REPS2: variants seen among roughly 807,000 people sequenced by gnomAD.
REPS2 encodes ralBP1-associated Eps domain-containing protein 2.
Under a neutral mutation model 53.6 loss-of-function variants are expected in REPS2, and 23 were observed. The ratio of observed to expected loss-of-function variants is 0.43; its 90% confidence interval spans 0.31 to 0.61. The LOEUF is 0.61. Among genes scored for constraint, REPS2 ranks in the 20% least tolerant of loss-of-function variants. REPS2 has a pLI of 0.11. For missense variants in REPS2, 446 were observed against 534.9 expected (o/e 0.83, Z 1.64); for synonymous variants, 238 against 218.6 (o/e 1.09, Z -0.78).
At chrX:17,079,926 C>T (rs774866039) in intron 13 of REPS2, among the ~76,000 whole-genome samples, 26 of 112,009 alleles carry the variant, frequency 2.3e-4, no homozygotes, top group South Asian at 2.2e-3. Context: ...TAGAAATTAT[C>T]GAAATGCTGA....
intron 13 of REPS2, 69 bp from the exon 14 acceptor site, chrX:17,103,649 C>A: frequency 1.9e-6 from 2 of 1,032,131 alleles, no homozygotes; most frequent in Non-Finnish European, 2.7e-6. Flanking sequence ...TCCAAGTTAA[C>A]AAGCATAAGA....
Position 16,946,920 on chromosome X carries a change from G to T in REPS2, c.59G>T (p.Gly20Val), listed in dbSNP as rs1489075497. The T allele has an allele frequency of 3.7e-6, 3 of 812,307 alleles. No homozygotes were observed. Among genetic ancestry groups the T allele is most frequent in the Non-Finnish European group, 4.4e-6 (3 of 679,773 alleles). The allele number at this position is 812,307 out of a possible 1,213,427, so 66.9% of individuals were successfully genotyped here. A position where few individuals can be genotyped will look rare whatever the true frequency, so the allele number is the denominator to read the frequency against. The change falls in exon 1 of 18, where the codon GGC becomes GTC. Residue 20 changes from glycine to valine, a missense_variant. By Grantham distance (109) the Gly-to-Val change is moderately radical. Transcript: ENST00000357277. ...GCGGCAGCGGCAGCGGCGGGCGGGG[G>T]CTGTGGCTCCGGGCCGCCGCCGCTG... The part of the protein sequence containing the change: ...AAAAAAAAGG[G>V]CGSGPPPLLL...
chrX:17,121,418 T>G (rs1279858585), intron 14 of REPS2, among the ~76,000 whole-genome samples: 1 of 112,609 alleles, frequency 8.9e-6, no homozygotes, highest in Non-Finnish European at 1.9e-5. Flanking sequence ...TGGGAAGAGA[T>G]GTGTACCATC....
At chrX:17,189,407 T>G in the REPS2 span, among the ~76,000 whole-genome samples, 1 of 109,312 alleles carries the variant, frequency 9.1e-6, no homozygotes, top group East Asian at 2.9e-4. Flanking sequence ...TGCCTCAGCC[T>G]CCTGAGTACC....
chrX:17,166,512 C>A, the REPS2 span, among the ~76,000 whole-genome samples: 117 of 112,412 alleles, frequency 1.0e-3, no homozygotes, highest in Non-Finnish European at 1.8e-3. Flanking sequence ...CTCACAGGAG[C>A]CTGCAACATC....
At position 17,093,192 on chromosome X, in the gene REPS2, ATATATATAAT is replaced by A. The variant is rs746058078; in HGVS notation, c.1517-10524_1517-10515del. Among the ~76,000 whole-genome samples the A allele has an allele frequency of 4.5e-3, 155 of 34,244 alleles. 6 individuals carry two copies. The highest frequency in any genetic ancestry group is 0.023 in the Middle Eastern group (1 of 43). The allele number at this position is 34,244 out of a possible 115,157, so 29.7% of individuals were successfully genotyped here. A position where few individuals can be genotyped will look rare whatever the true frequency, so the allele number is the denominator to read the frequency against. On this transcript the variant is annotated intron_variant, in intron 13 of 17. Coordinates refer to ENST00000357277, the MANE Select transcript of REPS2 (RefSeq NM_004726.3). ...TATATATATATATATATATATATAT[ATATATATAAT>A]TTTTTTTTTGGAAAGAGTGGCAACT...
At chrX:16,951,677 C>T (rs1391908194) in intron 1 of REPS2, among the ~76,000 whole-genome samples, 1 of 111,390 alleles carries the variant, frequency 9.0e-6, no homozygotes, top group Non-Finnish European at 1.9e-5. Flanking sequence ...TATGACACCA[C>T]TGCACTCCAG....
the REPS2 span, among the ~76,000 whole-genome samples, chrX:17,175,056 A>G: frequency 8.9e-6 from 1 of 112,767 alleles, no homozygotes; most frequent in Admixed American, 9.3e-5. Flanking sequence ...AACGTGATCA[A>G]TCAAGGGAAT....
intron 6 of REPS2, among the ~76,000 whole-genome samples, chrX:17,048,825 G>T (rs1003956228): frequency 8.9e-6 from 1 of 112,789 alleles, no homozygotes; most frequent in Non-Finnish European, 1.9e-5. Flanking sequence ...ATATGATTAT[G>T]TACAGTATAT....
At chrX:17,013,334 T>C (rs183285285) in intron 2 of REPS2, among the ~76,000 whole-genome samples, 1 of 112,568 alleles carries the variant, frequency 8.9e-6, no homozygotes, top group Admixed American at 9.4e-5. Flanking sequence ...TTTTGTTTTT[T>C]TAATCATACA....
chrX:16,970,857 A>G (rs1237412393), intron 1 of REPS2, among the ~76,000 whole-genome samples: 4 of 112,648 alleles, frequency 3.6e-5, no homozygotes, highest in Non-Finnish European at 7.5e-5. Flanking sequence ...GTTCTGCTGT[A>G]TGGCTATACC....
At chrX:16,978,688 A>G in intron 1 of REPS2, 1 of 331,466 alleles carries the variant, frequency 3.0e-6, no homozygotes, top group Non-Finnish European at 4.0e-6. Flanking sequence ...GCAGGTAAGG[A>G]AGAAGAATTA....
chrX:17,026,455 T>G (rs370237632), intron 4 of REPS2, among the ~76,000 whole-genome samples: 11 of 93,075 alleles, frequency 1.2e-4, no homozygotes, highest in African/African-American at 3.0e-4. Flanking sequence ...CAGGAGTGGG[T>G]TTTTTTTTTT....
At chrX:17,141,054 G>A (rs1044105256) in intron 17 of REPS2, among the ~76,000 whole-genome samples, 3 of 111,836 alleles carry the variant, frequency 2.7e-5, no homozygotes, top group African/African-American at 9.7e-5. Context: ...ACAGGCGTGA[G>A]CCACCGCGCC....
chrX:17,178,182 A>AT, the REPS2 span, among the ~76,000 whole-genome samples: 1 of 111,944 alleles, frequency 8.9e-6, no homozygotes, highest in African/African-American at 3.2e-5. Context: ...ACCCAAGAAC[A>AT]TTTTTTTAAT....
chrX:16,974,766 A>G (rs1164413107), intron 1 of REPS2, among the ~76,000 whole-genome samples: 1 of 111,505 alleles, frequency 9.0e-6, no homozygotes, highest in Non-Finnish European at 1.9e-5. Context: ...TTTGTTGTAT[A>G]GGTAAATTCT....
At chrX:17,088,894 G>A (rs993885873) in intron 13 of REPS2, among the ~76,000 whole-genome samples, 11 of 111,282 alleles carry the variant, frequency 9.9e-5, no homozygotes, top group Non-Finnish European at 1.3e-4. Flanking sequence ...AGAATCTTTC[G>A]AAGTTGGGAA....
chrX:17,194,566 G>A, the REPS2 span, among the ~76,000 whole-genome samples: 1 of 111,919 alleles, frequency 8.9e-6, no homozygotes. Flanking sequence ...ATGGTTGCCA[G>A]TGTTTAAGGA....
chrX:16,997,477 A>C (rs1445000572), intron 1 of REPS2, among the ~76,000 whole-genome samples: 1 of 112,185 alleles, frequency 8.9e-6, no homozygotes, highest in Non-Finnish European at 1.9e-5. Context: ...TGCCCCAGGC[A>C]GGTGCCAACC....
Sources: gnomAD v4.1 joint callset for allele counts (sites outside exome capture counted in the v4.1 genomes callset) on GRCh38, gnomAD v4.1.1 for gene constraint, MANE v1.5 for transcripts, NCBI Gene and HGNC (gene_info 2026-07-23, HGNC 2026-07-21) for gene names.